Variants in DLC1 observed in about 807,000 individuals in gnomAD.
The protein encoded by DLC1 is rho GTPase-activating protein 7.
DLC1 carries 54 observed loss-of-function variants against 140.3 expected under a neutral mutation model. The ratio of observed to expected loss-of-function variants is 0.38; its 90% CI spans 0.31 to 0.48. The LOEUF is 0.48. Ranked by LOEUF, DLC1 falls within the 20% of genes least tolerant of loss-of-function variation. DLC1 has a pLI of 0.96. For missense variants in DLC1, 2,536 were observed against 1,907.0 expected (o/e 1.33, Z -6.14); for synonymous variants, 986 against 728.1 (o/e 1.35, Z -5.70).
chr8:13,310,380 T>C (rs1425865836), intron 4 of DLC1, among the ~76,000 whole-genome samples: 1 of 152,206 alleles, frequency 6.6e-6, no homozygotes, highest in Non-Finnish European at 1.5e-5. Flanking sequence ...CTTTAAAACA[T>C]TCACTTTTCT....
At chr8:13,319,365 T>C (rs1628187) in intron 4 of DLC1, among the ~76,000 whole-genome samples, 143,415 of 152,072 alleles carry the variant, frequency 0.94, 67,958 homozygotes, top group East Asian at 1. Flanking sequence ...ACTTTTCCAT[T>C]ATCATCTGTT....
At chr8:13,533,068 C>A (rs886444286) in intron 1 of DLC1, among the ~76,000 whole-genome samples, 1 of 152,048 alleles carries the variant, frequency 6.6e-6, no homozygotes, top group Admixed American at 6.6e-5. Flanking sequence ...TTAGTTGAAA[C>A]GCTATGTGTC....
chr8:13,233,645 G>A (rs527544553), intron 5 of DLC1, among the ~76,000 whole-genome samples: 5 of 152,268 alleles, frequency 3.3e-5, no homozygotes, highest in African/African-American at 1.2e-4. Context: ...TAGTCAATAT[G>A]TACCACATCT....
intron 4 of DLC1, among the ~76,000 whole-genome samples, chr8:13,356,089 CAAA>C (rs372991073): frequency 1.9e-4 from 10 of 53,356 alleles, no homozygotes; most frequent in African/African-American, 7.1e-4. Context: ...GACTCCATCT[CAAA>C]AAAAAAAAAA....
intron 1 of DLC1, among the ~76,000 whole-genome samples, chr8:13,528,145 A>C (rs918880155): frequency 2.0e-5 from 3 of 152,126 alleles, no homozygotes; most frequent in Non-Finnish European, 4.4e-5. Context: ...CGATAACTGA[A>C]AAAGCATAAA....
chr8:13,518,296 A>G (rs1328228094), upstream of DLC1, among the ~76,000 whole-genome samples: 1 of 152,086 alleles, frequency 6.6e-6, no homozygotes, highest in Non-Finnish European at 1.5e-5. Context: ...TTTAGTAGAG[A>G]CAGGGTTTCA....
chr8:13,559,167 G>A (rs1286533458), intron 1 of DLC1: 1 of 152,192 alleles, frequency 6.6e-6, no homozygotes, highest in African/African-American at 2.4e-5. Context: ...CGATATAAAG[G>A]AAGTGCTTCA....
intron 1 of DLC1, among the ~76,000 whole-genome samples, chr8:13,553,474 T>C (rs997524713): frequency 2.6e-5 from 4 of 151,592 alleles, no homozygotes; most frequent in African/African-American, 9.7e-5. Context: ...TACACTTGCT[T>C]CTCCAGCTAT....
intron 1 of DLC1, among the ~76,000 whole-genome samples, chr8:13,530,783 C>G (rs1803070467): frequency 6.6e-6 from 1 of 152,098 alleles, no homozygotes; most frequent in Non-Finnish European, 1.5e-5. Context: ...CAAACAAAAT[C>G]TAGCTACAAA....
intron 1 of DLC1, among the ~76,000 whole-genome samples, chr8:13,532,080 G>A (rs1215170856): frequency 6.6e-6 from 1 of 152,136 alleles, no homozygotes; most frequent in Non-Finnish European, 1.5e-5. Context: ...ATTTATTAAG[G>A]CTAGATTAGA....
intron 5 of DLC1, among the ~76,000 whole-genome samples, chr8:13,138,995 G>T (rs1197992747): frequency 3.3e-5 from 5 of 152,060 alleles, no homozygotes; most frequent in Non-Finnish European, 2.9e-5. Flanking sequence ...ATATTTTTAA[G>T]AGAGAGAAGC....
intron 1 of DLC1, among the ~76,000 whole-genome samples, chr8:13,506,610 C>CATATATATATACACGTATATATATATAT (rs1304836752): frequency 8.4e-6 from 1 of 118,624 alleles, no homozygotes; most frequent in East Asian, 3.6e-4. Context: ...TATATATATA[C>CATATATATATACACGTATATATATATAT]ACATATATAT....
chr8:13,544,396 G>C (rs1803587659), intron 1 of DLC1, among the ~76,000 whole-genome samples: 3 of 152,124 alleles, frequency 2.0e-5, no homozygotes. Context: ...CATACATAGT[G>C]TAATTGTTTG....
intron 5 of DLC1, among the ~76,000 whole-genome samples, chr8:13,188,654 A>G (rs1195007100): frequency 7.5e-6 from 1 of 133,990 alleles, no homozygotes; most frequent in African/African-American, 2.8e-5. Context: ...GCCCAGGCTG[A>G]AGTGCAGTGG....
intron 1 of DLC1, among the ~76,000 whole-genome samples, chr8:13,573,917 A>C (rs796693284): frequency 2.0e-5 from 3 of 152,278 alleles, no homozygotes; most frequent in African/African-American, 7.2e-5. Flanking sequence ...ACTTGTGAGC[A>C]ACGCAAGTGT....
intron 1 of DLC1, among the ~76,000 whole-genome samples, chr8:13,527,609 T>A (rs933614465): frequency 1.3e-5 from 2 of 152,298 alleles, no homozygotes; most frequent in Middle Eastern, 3.4e-3. Flanking sequence ...TATGGATGAT[T>A]TGAATTATTT....
At chr8:13,576,552 G>T (rs953988477) in intron 1 of DLC1, among the ~76,000 whole-genome samples, 13 of 152,166 alleles carry the variant, frequency 8.5e-5, no homozygotes. Flanking sequence ...TAACATTGTG[G>T]GTTCTGAGAG....
At chr8:13,491,426 T>C (rs529971763) in intron 2 of DLC1, among the ~76,000 whole-genome samples, 2 of 152,248 alleles carry the variant, frequency 1.3e-5, no homozygotes, top group African/African-American at 4.8e-5. Flanking sequence ...GTATGTTACT[T>C]ACTTATAAAC....
intron 1 of DLC1, among the ~76,000 whole-genome samples, chr8:13,541,891 T>A (rs751817109): frequency 2.0e-5 from 3 of 152,202 alleles, no homozygotes; most frequent in Non-Finnish European, 4.4e-5. Flanking sequence ...GTAGTGTCAA[T>A]CAAATATTTT....
Sources: gnomAD v4.1 joint callset for allele counts (sites outside exome capture counted in the v4.1 genomes callset) on GRCh38, gnomAD v4.1.1 for gene constraint, MANE v1.5 for transcripts, NCBI Gene and HGNC (gene_info 2026-07-23, HGNC 2026-07-21) for gene names.